The following CPB2 variants were observed in gnomAD, a reference collection of about 807,000 sequenced individuals.
CPB2 encodes carboxypeptidase B2, also known as carboxypeptidase B-like protein.
A neutral mutation model predicts 57.0 loss-of-function variants in CPB2; 54 were observed. The ratio of observed to expected loss-of-function variants is 0.95; its 90% CI spans 0.76 to 1.19. CPB2 has a LOEUF of 1.19. Ranked by LOEUF, CPB2 falls within the 50% of genes most tolerant of loss-of-function variation. The pLI, the probability that CPB2 is intolerant of heterozygous loss-of-function variation, is 0.00. For synonymous variants in CPB2, 189 were observed against 178.1 expected (o/e 1.06, Z -0.49); for missense variants, 426 against 512.0 (o/e 0.83, Z 1.62).
chr13:46,077,458 C>T (rs2045040028), intron 5 of CPB2, among the ~76,000 whole-genome samples: 2 of 152,006 alleles, frequency 1.3e-5, no homozygotes, highest in South Asian at 2.1e-4. Flanking sequence ...AAAGGGGAAC[C>T]CTTGTACACT....
chr13:46,095,159 A>G (rs771067017), intron 1 of CPB2, among the ~76,000 whole-genome samples: 6 of 152,110 alleles, frequency 3.9e-5, no homozygotes, highest in Non-Finnish European at 7.4e-5. Flanking sequence ...TTCCCCCATC[A>G]TTATTTCCCT....
At chr13:46,092,808 C>T (rs1340908324) in intron 1 of CPB2, among the ~76,000 whole-genome samples, 1 of 152,056 alleles carries the variant, frequency 6.6e-6, no homozygotes, top group Non-Finnish European at 1.5e-5. Context: ...TGAATGCATG[C>T]TGAGAAATTT....
At chr13:46,063,332 C>T (rs1359866519) in intron 8 of CPB2, among the ~76,000 whole-genome samples, 3 of 152,090 alleles carry the variant, frequency 2.0e-5, no homozygotes, top group African/African-American at 7.2e-5. Flanking sequence ...CTTCCCTGCC[C>T]CTTTTTTGAG....
chr13:46,094,278 C>T (rs182469894), intron 1 of CPB2, among the ~76,000 whole-genome samples: 1 of 152,306 alleles, frequency 6.6e-6, no homozygotes, highest in African/African-American at 2.4e-5. Flanking sequence ...TCAGATGGTG[C>T]AGGCCATGCT....
intron 1 of CPB2, among the ~76,000 whole-genome samples, chr13:46,103,269 C>T (rs1412365007): frequency 6.6e-6 from 1 of 152,254 alleles, no homozygotes; most frequent in African/African-American, 2.4e-5. Flanking sequence ...TTGCACTGGG[C>T]TGACGCCAAG....
chr13:46,094,697 G>A (rs998014550), intron 1 of CPB2, among the ~76,000 whole-genome samples: 2 of 152,164 alleles, frequency 1.3e-5, no homozygotes, highest in Admixed American at 6.5e-5. Context: ...TTGTGGAGTC[G>A]GTTAGGAGAA....
intron 1 of CPB2, among the ~76,000 whole-genome samples, chr13:46,093,517 G>A (rs1387326282): frequency 6.6e-6 from 1 of 152,184 alleles, no homozygotes; most frequent in Non-Finnish European, 1.5e-5. Flanking sequence ...ATTCTAGAAT[G>A]CTTTTCAGTC....
intron 1 of CPB2, among the ~76,000 whole-genome samples, chr13:46,096,860 C>T (rs189250075): frequency 1.7e-3 from 264 of 152,248 alleles, no homozygotes; most frequent in Non-Finnish European, 2.4e-3. Flanking sequence ...GGAAATCGTC[C>T]CAAATAGGCA....
At chr13:46,083,952 A>T (rs1448280434) in intron 3 of CPB2, among the ~76,000 whole-genome samples, 1 of 152,230 alleles carries the variant, frequency 6.6e-6, no homozygotes, top group African/African-American at 2.4e-5. Context: ...GAGTCAGAGA[A>T]AAAGGAACTA....
chr13:46,076,339 C>T (rs1342981094), intron 5 of CPB2, among the ~76,000 whole-genome samples: 2 of 150,606 alleles, frequency 1.3e-5, no homozygotes, highest in African/African-American at 4.9e-5. Context: ...CATTTATATA[C>T]AACAATAGCA....
intron 6 of CPB2, chr13:46,073,467 T>A: frequency 3.1e-6 from 3 of 982,548 alleles, no homozygotes; most frequent in Non-Finnish European, 3.6e-6. Flanking sequence ...TTGTGCTTTA[T>A]GTTCAATTTC....
Position 46,104,947 on chromosome 13 carries a change from G to A in CPB2, c.63C>T (p.Phe21=), listed in dbSNP as rs201387014. The part of the protein sequence containing the change: ...PIVLFCEQHV[F]AFQSGQVLAA... ...TTCTATTGGGTTACCTCTGAAACGC[G>A]AAGACATGCTGCTCACAGAAGAGAA... The change falls in exon 1 of 11, where the codon TTC becomes TTT. Residue 21 remains phenylalanine, a synonymous_variant. Coordinates refer to ENST00000181383, the MANE Select transcript of CPB2 (RefSeq NM_001872.5). The A allele has an allele frequency of 2.2e-5, 36 of 1,613,948 alleles. No homozygotes were observed. Among genetic ancestry groups the A allele is most frequent in the East Asian group, 1.6e-4 (7 of 44,882 alleles).
intron 5 of CPB2, among the ~76,000 whole-genome samples, chr13:46,076,223 G>A (rs182420739): frequency 2.5e-4 from 38 of 152,236 alleles, no homozygotes; most frequent in African/African-American, 8.9e-4. Context: ...GGTTTTAGAT[G>A]ACACGATCTT....
intron 8 of CPB2, among the ~76,000 whole-genome samples, chr13:46,061,641 C>T (rs2044773778): frequency 1.3e-5 from 2 of 152,146 alleles, no homozygotes; most frequent in South Asian, 4.1e-4. Context: ...TCTGCTGGTA[C>T]CTTGATTTTG....
At chr13:46,063,303 A>G (rs992702761) in intron 8 of CPB2, among the ~76,000 whole-genome samples, 1 of 151,064 alleles carries the variant, frequency 6.6e-6, no homozygotes, top group African/African-American at 2.4e-5. Flanking sequence ...TACTTTTTCA[A>G]CTCTTTCCCC....
chr13:46,084,466 G>T, intron 2 of CPB2, 123 bp from the exon 3 acceptor site: 1 of 972,126 alleles, frequency 1.0e-6, no homozygotes. Flanking sequence ...CCTGGTGCTG[G>T]TCCCCATCCA....
intron 4 of CPB2, among the ~76,000 whole-genome samples, chr13:46,080,641 T>C (rs17844213): frequency 2.9e-4 from 44 of 152,066 alleles, no homozygotes; most frequent in African/African-American, 8.2e-4. Flanking sequence ...GATTAAGATA[T>C]ACAGAGAGAG....
At chr13:46,079,535 C>CAAAAAAAAAAAAAAAAAAA (rs58164990) in intron 4 of CPB2, among the ~76,000 whole-genome samples, 1 of 111,010 alleles carries the variant, frequency 9.0e-6, no homozygotes, top group African/African-American at 3.4e-5. Flanking sequence ...AAGGAAAAAG[C>CAAAAAAAAAAAAAAAAAAA]AAAAAAAAAA....
intron 1 of CPB2, among the ~76,000 whole-genome samples, chr13:46,089,995 C>A (rs902386074): frequency 6.6e-6 from 1 of 152,002 alleles, no homozygotes; most frequent in Admixed American, 6.5e-5. Context: ...CAAGGATTAC[C>A]CTTGCTAATA....
Sources: gnomAD v4.1 joint callset for allele counts (sites outside exome capture counted in the v4.1 genomes callset) on GRCh38, gnomAD v4.1.1 for gene constraint, MANE v1.5 for transcripts, NCBI Gene and HGNC (gene_info 2026-07-23, HGNC 2026-07-21) for gene names.